The following OLFM2 variants were observed in gnomAD, a reference collection of about 807,000 sequenced individuals.
OLFM2 encodes the protein olfactomedin 2.
OLFM2 carries 20 observed loss-of-function variants against 43.9 expected under a neutral mutation model. That is an observed-to-expected ratio of 0.46 (90% confidence interval 0.32 to 0.66). The LOEUF is 0.66. OLFM2 is among the 30% of genes least tolerant of loss of function. The pLI, the probability that OLFM2 is intolerant of heterozygous loss-of-function variation, is 0.04. For synonymous variants in OLFM2, 268 were observed against 278.6 expected (o/e 0.96, Z 0.38); for missense variants, 416 against 643.6 (o/e 0.65, Z 3.83).
chr19:9,871,430 AGGTGTGCT>A (rs2046440972), intron 1 of OLFM2, among the ~76,000 whole-genome samples: 1 of 148,990 alleles, frequency 6.7e-6, no homozygotes, highest in Non-Finnish European at 1.5e-5. Context: ...AAAATTAGCC[AGGTGTGCT>A]GGTGTGCTAC....
rs8100089 is a variant in OLFM2 at position 9,854,869 on chromosome 19, G to A, written c.688-6C>T. On this transcript the variant is annotated splice_polypyrimidine_tract_variant and splice_region_variant and intron_variant, in intron 5 of 5. Coordinates refer to ENST00000264833, the MANE Select transcript of OLFM2 (RefSeq NM_058164.4). The surrounding 1 kb of genome is among the most constrained non-coding windows in gnomAD (Gnocchi z 9.5). ...TAGCCATCCATGTACCAGACCTATG[G>A]TAGCAGCCGCTGGTCACTGGGGGGA... 2.8e-3 allele frequency: 4,441 copies of A among 1,566,102 alleles called. 110 individuals carry two copies. The African/African-American group carries it at 0.054, about 19-fold the overall frequency.
chr19:9,870,644 C>A lies in OLFM2; in HGVS notation c.64-9850G>T, dbSNP rs537283853. 2.6e-5 allele frequency among the ~76,000 whole-genome samples: 4 copies of A among 152,256 alleles called. No homozygotes were observed. In the East Asian group the frequency reaches 7.7e-4, roughly 29 times the overall value. ...TCTCCAGGCCTTTGCACGGGCCGGG[C>A]CTGCTGCCAATCCCCGCACTCTCCC... On this transcript the variant is annotated intron_variant, in intron 1 of 5. Coordinates refer to ENST00000264833, the MANE Select transcript of OLFM2 (RefSeq NM_058164.4).
chr19:9,907,344 A>C (rs1386920528), intron 1 of OLFM2, among the ~76,000 whole-genome samples: 2 of 152,156 alleles, frequency 1.3e-5, no homozygotes, highest in Non-Finnish European at 2.9e-5. Context: ...AGTCCCAGCT[A>C]CTTGGGAGGC....
chr19:9,926,333 A>T (rs958190592), intron 1 of OLFM2, among the ~76,000 whole-genome samples: 1 of 147,950 alleles, frequency 6.8e-6, no homozygotes, highest in East Asian at 2.1e-4. Flanking sequence ...CGGGCGGATC[A>T]CGAGGTCGGG....
At chr19:9,922,027 G>A (rs938826432) in intron 1 of OLFM2, among the ~76,000 whole-genome samples, 8 of 151,514 alleles carry the variant, frequency 5.3e-5, no homozygotes, top group South Asian at 2.1e-4. Context: ...CCGGGAGATC[G>A]AGGCTGCAGT....
intron 1 of OLFM2, among the ~76,000 whole-genome samples, chr19:9,895,861 C>G (rs1019683890): frequency 5.3e-5 from 8 of 151,934 alleles, no homozygotes; most frequent in African/African-American, 9.7e-5. Context: ...GTCTCAAACT[C>G]CTGACCTCAA....
chr19:9,913,778 G>C (rs1434526470), intron 1 of OLFM2: 4 of 662,342 alleles, frequency 6.0e-6, no homozygotes, highest in Non-Finnish European at 7.6e-6. Context: ...GGTGAGGGGG[G>C]GCTCGGGGAC....
At chr19:9,901,547 T>G (rs1027009384) in intron 1 of OLFM2, among the ~76,000 whole-genome samples, 6 of 152,192 alleles carry the variant, frequency 3.9e-5, no homozygotes, top group Non-Finnish European at 7.3e-5. Flanking sequence ...GGCCGAGAAC[T>G]CAGACACCCA....
intron 1 of OLFM2, among the ~76,000 whole-genome samples, chr19:9,903,841 T>C (rs2046760726): frequency 6.6e-6 from 1 of 152,182 alleles, no homozygotes; most frequent in African/African-American, 2.4e-5. Flanking sequence ...CAAAGTCATA[T>C]TTAAGATACA....
intron 1 of OLFM2, among the ~76,000 whole-genome samples, chr19:9,894,413 A>AATAATAAT (rs34172574): frequency 0.051 from 5,274 of 103,458 alleles, 200 homozygotes; most frequent in Admixed American, 0.068. Flanking sequence ...TAATAATAAT[A>AATAATAAT]AATAAATAAA....
In OLFM2 at chr19:9,921,034, G is replaced by C. The variant is rs754527852; in HGVS notation, c.63+15270C>G. 8.3e-4 allele frequency among the ~76,000 whole-genome samples: 126 copies of C among 152,142 alleles called. 1 individual carries two copies. Among genetic ancestry groups the C allele is most frequent in the Non-Finnish European group, 2.6e-4 (18 of 68,028 alleles). ...TGTTCCAGACACCATTTGCAGCAAA[G>C]TACATGTAACAACTCATTTAACCCT... On this transcript the variant is annotated intron_variant, in intron 1 of 5. Transcript: ENST00000264833.
Position 9,858,923 on chromosome 19 carries a change from ACACCTGGCTAAGGTAGACCCT to A in OLFM2, c.214-1083_214-1063del, listed in dbSNP as rs1000416593. ...GTAGACTCTCACTTGGCTAAGATGAACACCTGGCTAAGGTAGACCCTCACCTGGCTAAGGTAGACCCTCACC... is the reference window on the plus strand; with the variant it reads ...GTAGACTCTCACTTGGCTAAGATGAACACCTGGCTAAGGTAGACCCTCACC... On this transcript the variant is annotated intron_variant, in intron 2 of 5. Coordinates refer to ENST00000264833, the MANE Select transcript of OLFM2 (RefSeq NM_058164.4). Among the ~76,000 whole-genome samples the A allele has an allele frequency of 2.3e-4, 35 of 151,648 alleles. No homozygotes were observed. In the South Asian group the frequency reaches 2.7e-3, roughly 12 times the overall value.
intron 1 of OLFM2, among the ~76,000 whole-genome samples, chr19:9,887,789 C>T (rs62104265): frequency 0.021 from 3,176 of 152,154 alleles, 52 homozygotes; most frequent in Non-Finnish European, 0.035. Context: ...ACCTGTAATC[C>T]CAGTATTTTG....
At chr19:9,888,608 T>G (rs549980331) in intron 1 of OLFM2, among the ~76,000 whole-genome samples, 1 of 151,792 alleles carries the variant, frequency 6.6e-6, no homozygotes, top group African/African-American at 2.4e-5. Context: ...ACTTCCCTAC[T>G]CCATCTGCTT....
At chr19:9,912,288 C>A (rs890950133) in intron 1 of OLFM2, among the ~76,000 whole-genome samples, 7 of 152,254 alleles carry the variant, frequency 4.6e-5, no homozygotes, top group African/African-American at 1.4e-4. Context: ...AGGGGCTGGA[C>A]AAAGCCTTCT....
chr19:9,905,635 A>C (rs569122611), intron 1 of OLFM2, among the ~76,000 whole-genome samples: 1 of 151,994 alleles, frequency 6.6e-6, no homozygotes, highest in East Asian at 1.9e-4. Flanking sequence ...AAAAAAAAAA[A>C]AAAAAAAGTT....
At chr19:9,875,558 A>C (rs1473721025) in intron 1 of OLFM2, among the ~76,000 whole-genome samples, 1 of 148,720 alleles carries the variant, frequency 6.7e-6, no homozygotes, top group African/African-American at 2.5e-5. Flanking sequence ...TGGCACGATC[A>C]CGACTCACTG....
At chr19:9,906,499 G>C (rs2046787036) in intron 1 of OLFM2, among the ~76,000 whole-genome samples, 2 of 152,124 alleles carry the variant, frequency 1.3e-5, no homozygotes, top group Admixed American at 6.6e-5. Flanking sequence ...TCAAACCTTA[G>C]CTGTGTTTCT....
intron 1 of OLFM2, among the ~76,000 whole-genome samples, chr19:9,895,805 T>G (rs1411242505): frequency 6.6e-6 from 1 of 151,776 alleles, no homozygotes. Context: ...CTGGCTAATT[T>G]TTGTATTTTT....
Sources: gnomAD v4.1 joint callset for allele counts (sites outside exome capture counted in the v4.1 genomes callset) on GRCh38, gnomAD v4.1.1 for gene constraint, Gnocchi (gnomAD v3.1) non-coding constraint, MANE v1.5 for transcripts, NCBI Gene and HGNC (gene_info 2026-07-23, HGNC 2026-07-21) for gene names.